Variants in RASSF2 observed in about 807,000 individuals in gnomAD.
RASSF2 encodes Ras association domain family member 2.
A neutral mutation model predicts 46.3 loss-of-function variants in RASSF2; 34 were observed. That is an observed-to-expected ratio of 0.73 (90% CI 0.56 to 0.98). The LOEUF is 0.98. RASSF2 is among the 50% of genes least tolerant of loss of function. RASSF2 has a pLI of 0.00. For synonymous variants in RASSF2, 158 were observed against 162.5 expected, an observed-to-expected ratio of 0.97 and a Z score of 0.21; for missense variants, 364 against 431.2, an observed-to-expected ratio of 0.84 and a Z score of 1.38.
At chr20:4,818,094 C>T (rs1406730398) in intron 2 of RASSF2, among the ~76,000 whole-genome samples, 2 of 151,986 alleles carry the variant, frequency 1.3e-5, no homozygotes, top group Admixed American at 1.3e-4. Flanking sequence ...TGGTGAAACC[C>T]CATATCTACT....
At chr20:4,788,574 C>T (rs956659898) in intron 8 of RASSF2, among the ~76,000 whole-genome samples, 2 of 152,214 alleles carry the variant, frequency 1.3e-5, no homozygotes, top group Non-Finnish European at 2.9e-5. Context: ...TACTTCACAC[C>T]TAGGCCATAT....
Position 4,796,101 on chromosome 20 carries a change from G to C in RASSF2, c.136-135C>G, listed in dbSNP as rs1453649731. Reference sequence around the variant, plus strand: ...AGACTGTATTCACAGGATAGGGGCAGCTGCCCAGTTCACACCGCAGCTCTG... The same window carrying C: ...AGACTGTATTCACAGGATAGGGGCACCTGCCCAGTTCACACCGCAGCTCTG... On this transcript the variant is annotated intron_variant, in intron 4 of 11. Coordinates refer to ENST00000379400, the MANE Select transcript of RASSF2 (RefSeq NM_014737.3). The C allele has an allele frequency of 6.7e-6, 6 of 895,912 alleles. No individual in the cohort carries two copies. The Middle Eastern group carries it at 7.3e-4, about 109-fold the overall frequency. The allele number at this position is 895,912 out of a possible 1,614,324, so 55.5% of individuals were successfully genotyped here.
intron 2 of RASSF2, among the ~76,000 whole-genome samples, chr20:4,813,466 C>G (rs1005175726): frequency 2.0e-5 from 3 of 152,166 alleles, no homozygotes; most frequent in African/African-American, 7.2e-5. Flanking sequence ...CTGCCTCCAG[C>G]TCCACCCCAG....
Position 4,784,140 on chromosome 20 carries a change from G to T in RASSF2, c.*133C>A, listed in dbSNP as rs1184281435. The T allele has an allele frequency of 9.3e-6, 8 of 858,960 alleles. No homozygotes were observed. The highest frequency in any genetic ancestry group is 1.3e-5 in the Non-Finnish European group (7 of 524,772). 53.2% of individuals were successfully genotyped at this position (858,960 alleles called of 1,614,324 possible). ...TGACTTCTACATCCAGCTCCAGGTA[G>T]CAAATGATGGCTTGGCCGGAGCTGG... On this transcript the variant is annotated 3_prime_UTR_variant, in exon 12 of 12. Coordinates refer to ENST00000379400, the MANE Select transcript of RASSF2 (RefSeq NM_014737.3).
intron 2 of RASSF2, among the ~76,000 whole-genome samples, chr20:4,802,313 T>C (rs1335299460): frequency 6.6e-6 from 1 of 151,212 alleles, no homozygotes; most frequent in African/African-American, 2.5e-5. Context: ...GCTCACTAGA[T>C]GCCAGCAGCA....
chr20:4,804,831 G>A (rs1246453651), intron 2 of RASSF2, among the ~76,000 whole-genome samples: 1 of 152,108 alleles, frequency 6.6e-6, no homozygotes, highest in Non-Finnish European at 1.5e-5. Flanking sequence ...AGGAGGAGGG[G>A]GATGTGTGGG....
At chr20:4,799,505 G>A (rs1399271952) in intron 3 of RASSF2, among the ~76,000 whole-genome samples, 1 of 152,230 alleles carries the variant, frequency 6.6e-6, no homozygotes, top group African/African-American at 2.4e-5. Flanking sequence ...TTTGGACCAC[G>A]CCAGGAGTCA....
At position 4,787,638 on chromosome 20, in the gene RASSF2, A is replaced by G; in HGVS notation, c.808T>C (p.Tyr270His). 1 of 1,614,178 alleles carries G rather than the reference A, an allele frequency of 6.2e-7. No individual in the cohort carries two copies. The highest frequency in any genetic ancestry group is 8.5e-7 in the Non-Finnish European group (1 of 1,180,026). ...MEKDQVEEVT[Y>H]DVAQYIKFEM... Reference sequence around the variant, plus strand: ...CTGACCCAAAGGGAACTCACGTCGTAGGTGACTTCCTCCACCTGGTCCTTC... The same window carrying G: ...CTGACCCAAAGGGAACTCACGTCGTGGGTGACTTCCTCCACCTGGTCCTTC... The change falls in exon 10 of 12, where the codon TAC (tyrosine) becomes CAC (histidine). Residue 270 changes from tyrosine (Y) to histidine (H), a missense_variant. Transcript: ENST00000379400.
chr20:4,800,888 C>T (rs959348278), intron 3 of RASSF2, 84 bp downstream of exon 3: 3 of 1,180,276 alleles, frequency 2.5e-6, no homozygotes, highest in African/African-American at 3.0e-5. Flanking sequence ...GTGGGGGGCC[C>T]TCTGCCAGCG....
Position 4,795,870 on chromosome 20 carries a change from G to T in RASSF2, c.232C>A (p.Arg78=). The T allele has an allele frequency of 6.2e-7, 1 of 1,610,262 alleles. No homozygotes were observed. The highest frequency in any genetic ancestry group is 1.7e-5 in the Admixed American group (1 of 59,806). The part of the protein sequence containing the change: ...LQMQDDNERI[R]PPPSSSSWHS... The stretch of plus-strand genomic sequence containing the variant: ...CAGGAGGAGGAGGATGGAGGGGGTC[G>T]AATGCGTTCGTTGTCATCCTGCATC... The change falls in exon 5 of 12, where the codon CGA becomes AGA. Residue 78 remains arginine (R), a synonymous_variant. Transcript: ENST00000379400. The surrounding 1 kb of genome is among the most constrained non-coding windows in gnomAD (Gnocchi z 4.0).
rs145557243 is a variant in RASSF2 at position 4,821,912 on chromosome 20, G to A, written c.-33+417C>T. ...CCCACCCTCAAAGCCCCCACGCAAG[G>A]GTCTCTGATCCCAAATGGCCACCAC... On this transcript the variant is annotated intron_variant, in intron 2 of 11. Transcript: ENST00000379400. Among the ~76,000 whole-genome samples, 692 of 152,272 alleles carry A rather than the reference G, an allele frequency of 4.5e-3. 1 individual carries two copies. The highest frequency in any genetic ancestry group is 7.7e-3 in the Non-Finnish European group (524 of 68,012).
At chr20:4,803,204 C>T (rs745765411) in intron 2 of RASSF2, among the ~76,000 whole-genome samples, 1 of 152,018 alleles carries the variant, frequency 6.6e-6, no homozygotes, top group Non-Finnish European at 1.5e-5. Flanking sequence ...AGCCACCGCA[C>T]CCAGCCCACA....
chr20:4,822,728 G>C (rs553050993), intron 1 of RASSF2, among the ~76,000 whole-genome samples: 93 of 152,380 alleles, frequency 6.1e-4, no homozygotes, highest in African/African-American at 2.2e-3. Context: ...GACCGCAAAG[G>C]GGAAGTGCCC....
At position 4,792,393 on chromosome 20, in the gene RASSF2, T is replaced by C; in HGVS notation, c.376+146A>G. The C allele has an allele frequency of 3.4e-6, 5 of 1,489,388 alleles. No homozygotes were observed. In the South Asian group the frequency reaches 5.0e-5, roughly 15 times the overall value. 92.3% of individuals were successfully genotyped at this position (1,489,388 alleles called of 1,614,324 possible). ...CTCGGGATGCTTCTAGGTGGGTGGATGAGGTGGGTGACTTAATTCTCTCCC... is the reference window on the plus strand; with the variant it reads ...CTCGGGATGCTTCTAGGTGGGTGGACGAGGTGGGTGACTTAATTCTCTCCC... On this transcript the variant is annotated intron_variant, in intron 6 of 11. Coordinates refer to ENST00000379400, the MANE Select transcript of RASSF2 (RefSeq NM_014737.3).
At chr20:4,802,609 G>C (rs1045318682) in intron 2 of RASSF2, among the ~76,000 whole-genome samples, 1 of 152,238 alleles carries the variant, frequency 6.6e-6, no homozygotes, top group Admixed American at 6.5e-5. Context: ...GAGGTACCTA[G>C]AGTAGTCAAA....
At chr20:4,818,256 G>A (rs993066715) in intron 2 of RASSF2, among the ~76,000 whole-genome samples, 3 of 151,556 alleles carry the variant, frequency 2.0e-5, no homozygotes, top group Admixed American at 1.3e-4. Flanking sequence ...AACAGAGTGA[G>A]ACTCCAACTC....
At chr20:4,789,516 T>C in intron 8 of RASSF2, 80 bp downstream of exon 8, 2 of 1,198,072 alleles carry the variant, frequency 1.7e-6, no homozygotes, top group East Asian at 2.3e-5. Context: ...ACAATTTCCA[T>C]AGCTCCTCGC....
intron 2 of RASSF2, among the ~76,000 whole-genome samples, chr20:4,801,910 T>C (rs939032076): frequency 4.6e-5 from 7 of 152,034 alleles, no homozygotes. Flanking sequence ...GGCTAATTTT[T>C]TGTATTTTTA....
At chr20:4,794,250 C>A (rs1926145392) in intron 5 of RASSF2, among the ~76,000 whole-genome samples, 1 of 151,986 alleles carries the variant, frequency 6.6e-6, no homozygotes, top group Non-Finnish European at 1.5e-5. Flanking sequence ...CATAGTGAGA[C>A]CCCATTTCTA....
Sources: allele counts gnomAD v4.1 joint callset (sites outside exome capture counted in the v4.1 genomes callset), GRCh38; gene constraint gnomAD v4.1.1; non-coding constraint Gnocchi (gnomAD v3.1); transcripts MANE v1.5; gene names NCBI Gene and HGNC (gene_info 2026-07-23, HGNC 2026-07-21).